Variants in MYH3 observed in about 807,000 individuals in gnomAD.
MYH3 encodes myosin heavy chain 3, also known as myosin-3.
Under a neutral mutation model 238.0 loss-of-function variants are expected in MYH3, and 130 were observed. That is an observed-to-expected ratio of 0.55 (90% CI 0.47 to 0.63). The LOEUF is 0.63. Ranked by LOEUF, MYH3 falls within the 30% of genes least tolerant of loss-of-function variation. MYH3 has a pLI of 0.00. For synonymous variants in MYH3, 880 were observed against 924.1 expected, an observed-to-expected ratio of 0.95 and a Z score of 0.86; for missense variants, 1,853 against 2,374.9, an observed-to-expected ratio of 0.78 and a Z score of 4.57.
rs770643139 is a variant in MYH3 at position 10,630,356 on chromosome 17, G to A, written c.5389C>T (p.Arg1797Cys). The change falls in exon 37 of 41, where the codon CGT becomes TGT. Residue 1797 changes from arginine (R) to cysteine (C), a missense_variant. By Grantham distance (180) the Arg-to-Cys change is radical. This residue lies in a region of MYH3 where 1,044 missense variants were observed against 1,192.6 expected (regional missense o/e 0.88). Transcript: ENST00000583535. ...LEQTVKDLQHRLDEAEQLALK... is the reference protein window; with the variant it reads ...LEQTVKDLQHCLDEAEQLALK... ...GCCAGCTGCTCGGCCTCATCTAGAC[G>A]ATGCTGCAGGTCCTTCACCGTCTGT... The A allele has an allele frequency of 1.6e-5, 26 of 1,614,192 alleles. No individual in the cohort carries two copies. In the South Asian group the frequency reaches 1.9e-4, roughly 12 times the overall value.
rs2074252930 is a variant in MYH3, at chr17:10,639,937, T to A, written c.2682+59A>T. On this transcript the variant is annotated intron_variant, in intron 22 of 40. Coordinates refer to ENST00000583535, the MANE Select transcript of MYH3 (RefSeq NM_002470.4). ...ATCCCCACCAATAACTCAATTTTTC[T>A]AAATAAATAATCAAATCTAGAAGAG... 3 of 1,591,694 alleles carry A rather than the reference T, an allele frequency of 1.9e-6. No individual in the cohort carries two copies. In the South Asian group the frequency reaches 3.5e-5, roughly 18 times the overall value.
At position 10,652,547 on chromosome 17, in the gene MYH3, G is replaced by A. The variant is rs1359894881; in HGVS notation, c.221C>T (p.Pro74Leu). The A allele has an allele frequency of 6.2e-7, 1 of 1,600,472 alleles. No individual in the cohort carries two copies. The highest frequency in any genetic ancestry group is 1.3e-5 in the African/African-American group (1 of 74,096). The change falls in exon 4 of 41, where the codon CCA (proline) becomes CTA (leucine). Residue 74 changes from proline (P) to leucine (L), a missense_variant. Transcript: ENST00000583535. The stretch of plus-strand genomic sequence containing the variant: ...GGGGTTCATGGCGTACACATCCTCT[G>A]GTTTGACCACCAGGGTCTAAAAAGG... ...TEDNRTLVVKPEDVYAMNPPK... is the reference protein window; with the variant it reads ...TEDNRTLVVKLEDVYAMNPPK...
chr17:10,630,558 A>T (rs928037899), intron 36 of MYH3, 100 bp from the exon 37 acceptor site: 13 of 1,565,682 alleles, frequency 8.3e-6, no homozygotes, highest in Non-Finnish European at 1.1e-5. Flanking sequence ...CATGCTAAAG[A>T]AAAAGGACAG....
At chr17:10,628,717 G>T in intron 40 of MYH3, 38 bp from the exon 41 acceptor site, 1 of 1,612,660 alleles carries the variant, frequency 6.2e-7, no homozygotes, top group Admixed American at 1.7e-5. Flanking sequence ...AAGTCGGGTG[G>T]CAGAGACACA....
In MYH3 at chr17:10,637,940, A is replaced by G. The variant is rs1356297876; in HGVS notation, c.3730-5T>C. ...GCAGATTTTTTCCAGATTTGCCTGAAGGATTCAGAAAGGGGAGCAAAGTCA... is the reference window on the plus strand; with the variant it reads ...GCAGATTTTTTCCAGATTTGCCTGAGGGATTCAGAAAGGGGAGCAAAGTCA... On this transcript the variant is annotated splice_region_variant and splice_polypyrimidine_tract_variant and intron_variant, in intron 27 of 40. Coordinates refer to ENST00000583535, the MANE Select transcript of MYH3 (RefSeq NM_002470.4). 3.7e-6 allele frequency: 6 copies of G among 1,614,132 alleles called. No individual in the cohort carries two copies. The highest frequency in any genetic ancestry group is 1.6e-4 in the Middle Eastern group (1 of 6,062).
intron 5 of MYH3, 93 bp downstream of exon 5, chr17:10,651,419 C>T: frequency 6.2e-7 from 1 of 1,601,732 alleles, no homozygotes; most frequent in Non-Finnish European, 8.5e-7. Context: ...TGCTAAACAC[C>T]AGATGGGGTC....
At chr17:10,629,985 T>C in intron 38 of MYH3, 48 bp from the exon 39 acceptor site, 1 of 1,609,498 alleles carries the variant, frequency 6.2e-7, no homozygotes, top group Non-Finnish European at 8.5e-7. Flanking sequence ...GGGGCAGATT[T>C]GCACACGGCA....
chr17:10,630,599 C>T (rs1284332115), intron 36 of MYH3, 141 bp from the exon 37 acceptor site: 3 of 1,317,798 alleles, frequency 2.3e-6, no homozygotes, highest in African/African-American at 2.9e-5. Context: ...TCTGTAATCC[C>T]AGCACTTTGG....
chr17:10,637,789 G>T lies in MYH3; in HGVS notation c.3856+20C>A. The T allele has an allele frequency of 6.2e-7, 1 of 1,613,800 alleles. No homozygotes were observed. Among genetic ancestry groups the T allele is most frequent in the Non-Finnish European group, 8.5e-7 (1 of 1,180,016 alleles). On this transcript the variant is annotated intron_variant, in intron 28 of 40. Coordinates refer to ENST00000583535, the MANE Select transcript of MYH3 (RefSeq NM_002470.4). ...GTGCCAGGAGGTTTTGGCCCCACGG[G>T]TTTTCTGCACGTGGCTTACCAGCCT...
At chr17:10,635,279 CAT>C (rs2074202622) in intron 30 of MYH3, 86 bp downstream of exon 30, 3 of 1,603,464 alleles carry the variant, frequency 1.9e-6, no homozygotes, top group Admixed American at 1.7e-5. Context: ...TTTAAAGACA[CAT>C]GAGATGGGGA....
intron 14 of MYH3, among the ~76,000 whole-genome samples, chr17:10,643,469 A>G (rs2074292414): frequency 6.6e-6 from 1 of 151,328 alleles, no homozygotes; most frequent in Non-Finnish European, 1.5e-5. Flanking sequence ...TCCGCCTCCC[A>G]GGTTCAAATG....
Position 10,635,448 on chromosome 17 carries a change from T to C in MYH3, c.4091A>G (p.Lys1364Arg). ...GKAELQRALS[K>R]ANSEVAQWRT... The stretch of plus-strand genomic sequence containing the variant: ...CCACTGGGCAACCTCACTATTGGCC[T>C]TGGACAGCGCCCTCTGCAGCTCAGC... Residue 1364 changes from lysine (K) to arginine (R), a missense_variant, in exon 30 of 41, where the codon AAG becomes AGG. By Grantham distance (26) the Lys-to-Arg change is conservative (BLOSUM62 2). This residue lies in a region of MYH3 where 1,044 missense variants were observed against 1,192.6 expected (regional missense o/e 0.88). Coordinates refer to ENST00000583535, the MANE Select transcript of MYH3 (RefSeq NM_002470.4). The C allele has an allele frequency of 3.7e-6, 6 of 1,614,130 alleles. No individual in the cohort carries two copies. The highest frequency in any genetic ancestry group is 5.1e-6 in the Non-Finnish European group (6 of 1,179,954).
chr17:10,638,351 C>T lies in MYH3; in HGVS notation c.3421G>A (p.Ala1141Thr). The change falls in exon 27 of 41, where the codon GCC becomes ACC. Residue 1141 changes from alanine (A) to threonine (T), a missense_variant. Ala to Thr is a moderately conservative substitution (Grantham distance 58). This residue lies in a region of MYH3 where 1,044 missense variants were observed against 1,192.6 expected (regional missense o/e 0.88). Transcript: ENST00000583535. ...TCGCTCAGCTCCTCCAGCTCCCGGG[C>T]ATAGTCGCTGCGCTGTTTCTCTGTC... is the stretch of plus-strand genomic sequence containing the variant. ...AKTEKQRSDY[A>T]RELEELSERL... 3 of 1,609,616 alleles carry T rather than the reference C, an allele frequency of 1.9e-6. No individual in the cohort carries two copies. Among genetic ancestry groups the T allele is most frequent in the Non-Finnish European group, 2.5e-6 (3 of 1,179,964 alleles).
rs1156756134 is a variant in MYH3, at chr17:10,642,079, C to T, written c.1959+161G>A. Among the ~76,000 whole-genome samples, 5 of 149,346 alleles carry T rather than the reference C, an allele frequency of 3.3e-5. No homozygotes were observed. The highest frequency in any genetic ancestry group is 3.9e-4 in the East Asian group (2 of 5,096). ...TACTCTCATCGCACATTGGTTAGAC[C>T]GTATTTATTATATTTTATCATCTGT... On this transcript the variant is annotated intron_variant, in intron 17 of 40. Coordinates refer to ENST00000583535, the MANE Select transcript of MYH3 (RefSeq NM_002470.4). This position sits in a 1 kb window ranked among gnomAD's most constrained non-coding sequence, Gnocchi z 5.4.
Position 10,630,181 on chromosome 17 carries a change from A to G in MYH3, c.5473T>C (p.Phe1825Leu), listed in dbSNP as rs2074140828. The G allele has an allele frequency of 6.2e-7, 1 of 1,613,494 alleles. No individual in the cohort carries two copies. The highest frequency in any genetic ancestry group is 8.5e-7 in the Non-Finnish European group (1 of 1,179,916). ...TTCTTCTGCTCTCCCTCAAGTTCAA[A>G]CTCCAGCTCTCGGATCTGGGGGAGA... ...KLETRIRELEFELEGEQKKNT... is the reference protein window; with the variant it reads ...KLETRIRELELELEGEQKKNT... Residue 1825 changes from phenylalanine to leucine, a missense_variant, in exon 38 of 41, where the codon TTT (phenylalanine) becomes CTT (leucine). Coordinates refer to ENST00000583535, the MANE Select transcript of MYH3 (RefSeq NM_002470.4).
the MYH3 span, among the ~76,000 whole-genome samples, chr17:10,662,509 C>A: frequency 6.6e-6 from 1 of 152,144 alleles, no homozygotes; most frequent in Non-Finnish European, 1.5e-5. Context: ...AGACAATATG[C>A]AAATTCACCC....
chr17:10,629,851 C>A lies in MYH3; in HGVS notation c.5649G>T (p.Ala1883=). The A allele has an allele frequency of 6.2e-7, 1 of 1,614,096 alleles. No homozygotes were observed. Among genetic ancestry groups the A allele is most frequent in the Non-Finnish European group, 8.5e-7 (1 of 1,180,022 alleles). ...CACCTATCTCACTTACAGCCTCCTC[C>A]GCCTGCCTCTTGTAGGACTTGACTT... ...QVKVKSYKRQ[A]EEADEQANAH... The change falls in exon 39 of 41, where the codon GCG becomes GCT. Residue 1883 remains alanine (A), a synonymous_variant. Coordinates refer to ENST00000583535, the MANE Select transcript of MYH3 (RefSeq NM_002470.4).
chr17:10,652,333 C>T, intron 4 of MYH3, 87 bp downstream of exon 4: 5 of 1,509,944 alleles, frequency 3.3e-6, no homozygotes, highest in Non-Finnish European at 4.6e-6. Flanking sequence ...CTTCCAGAAT[C>T]CCACGGCCCA....
At chr17:10,659,836 C>T (rs566034765), upstream of MYH3, among the ~76,000 whole-genome samples, 10 of 152,282 alleles carry the variant, frequency 6.6e-5, no homozygotes, top group East Asian at 1.7e-3. Flanking sequence ...AGAGGGCCAG[C>T]GTCAGGGATA....
Sources: gnomAD v4.1 joint callset for allele counts (sites outside exome capture counted in the v4.1 genomes callset) on GRCh38, gnomAD v4.1.1 for gene constraint, gnomAD v4.1.1 regional missense constraint, Gnocchi (gnomAD v3.1) non-coding constraint, MANE v1.5 for transcripts, NCBI Gene and HGNC (gene_info 2026-07-23, HGNC 2026-07-21) for gene names.